Variants in MEOX2 observed in about 807,000 individuals in gnomAD.
MEOX2 encodes homeobox protein MOX-2.
In MEOX2, 11 loss-of-function variants were observed where a neutral mutation model predicts 27.0. The ratio of observed to expected loss-of-function variants is 0.41; its 90% confidence interval spans 0.26 to 0.68. The LOEUF (loss-of-function observed/expected upper bound fraction) is 0.68. Ranked by LOEUF, MEOX2 falls within the 30% of genes least tolerant of loss-of-function variation. The pLI is 0.33. For missense variants in MEOX2, 436 were observed against 385.4 expected (o/e 1.13, Z -1.10); for synonymous variants, 189 against 155.4 (o/e 1.22, Z -1.61).
intron 1 of MEOX2, among the ~76,000 whole-genome samples, chr7:15,635,543 G>C (rs1279847302): frequency 6.6e-6 from 1 of 151,994 alleles, no homozygotes; most frequent in Admixed American, 6.6e-5. Flanking sequence ...GTAGAACAAT[G>C]CCTACATATT....
At chr7:15,651,249 T>G (rs1270419000) in intron 1 of MEOX2, among the ~76,000 whole-genome samples, 1 of 152,022 alleles carries the variant, frequency 6.6e-6, no homozygotes, top group Non-Finnish European at 1.5e-5. Flanking sequence ...TATGAAAATA[T>G]CCACGCTCCT....
intron 1 of MEOX2, among the ~76,000 whole-genome samples, chr7:15,632,333 T>C (rs1393660242): frequency 1.3e-5 from 2 of 151,846 alleles, no homozygotes; most frequent in Non-Finnish European, 2.9e-5. Context: ...CAGTTTTACC[T>C]TACAGCCTGT....
chr7:15,620,729 A>G, intron 2 of MEOX2, among the ~76,000 whole-genome samples: 1 of 152,214 alleles, frequency 6.6e-6, no homozygotes. Context: ...AAAAAACAAA[A>G]CATAATCCCT....
intron 1 of MEOX2, among the ~76,000 whole-genome samples, chr7:15,646,334 C>T (rs1451881391): frequency 1.3e-5 from 2 of 151,936 alleles, no homozygotes; most frequent in Admixed American, 6.6e-5. Flanking sequence ...TGTGTTTTTT[C>T]CTTCCCAAAC....
chr7:15,674,345 G>T (rs564483362), intron 1 of MEOX2, among the ~76,000 whole-genome samples: 1 of 152,064 alleles, frequency 6.6e-6, no homozygotes, highest in Admixed American at 6.6e-5. Context: ...CTGGGGGAAA[G>T]AACTAAATTA....
chr7:15,642,579 A>G (rs779176794), intron 1 of MEOX2, among the ~76,000 whole-genome samples: 1 of 152,036 alleles, frequency 6.6e-6, no homozygotes, highest in Non-Finnish European at 1.5e-5. Context: ...CTTGCTTACA[A>G]TCCATATTTT....
chr7:15,617,357 A>T (rs1781139772), intron 2 of MEOX2, among the ~76,000 whole-genome samples: 2 of 152,020 alleles, frequency 1.3e-5, no homozygotes, highest in South Asian at 4.1e-4. Flanking sequence ...TACAAATAAA[A>T]TTTTCAGATT....
intron 2 of MEOX2, among the ~76,000 whole-genome samples, chr7:15,613,832 A>G (rs1312434187): frequency 2.0e-5 from 3 of 151,916 alleles, no homozygotes; most frequent in African/African-American, 7.2e-5. Flanking sequence ...TCTACCATCC[A>G]TGGATATTTG....
intron 2 of MEOX2, among the ~76,000 whole-genome samples, chr7:15,615,212 T>C (rs1476118562): frequency 1.3e-5 from 2 of 152,194 alleles, no homozygotes; most frequent in East Asian, 3.9e-4. Context: ...GTTTTCCAGA[T>C]ATTATTACCA....
chr7:15,640,513 T>A (rs949999450), intron 1 of MEOX2, among the ~76,000 whole-genome samples: 4 of 152,160 alleles, frequency 2.6e-5, no homozygotes, highest in Non-Finnish European at 4.4e-5. Flanking sequence ...TTTGAATGCC[T>A]TTTGTTTCTT....
chr7:15,669,360 A>G (rs34994232), intron 1 of MEOX2, among the ~76,000 whole-genome samples: 8 of 152,194 alleles, frequency 5.3e-5, no homozygotes, highest in Non-Finnish European at 8.8e-5. Flanking sequence ...TGTTTCTAAG[A>G]TATCCTGATT....
At chr7:15,676,452 T>A (rs531716536) in intron 1 of MEOX2, among the ~76,000 whole-genome samples, 49 of 152,280 alleles carry the variant, frequency 3.2e-4, no homozygotes, top group African/African-American at 1.2e-3. Context: ...AAAATGTCAT[T>A]CCCACCCTCC....
chr7:15,657,816 T>A (rs540341406), intron 1 of MEOX2, among the ~76,000 whole-genome samples: 1 of 152,344 alleles, frequency 6.6e-6, no homozygotes, highest in Admixed American at 6.5e-5. Context: ...TTTAGTATTA[T>A]GTATGGTACT....
At chr7:15,679,239 A>C (rs2115396441) in intron 1 of MEOX2, 1 of 152,214 alleles carries the variant, frequency 6.6e-6, no homozygotes. Flanking sequence ...ACATATATAA[A>C]GTAAACGCCT....
chr7:15,619,345 G>A (rs1781179049), intron 2 of MEOX2, among the ~76,000 whole-genome samples: 1 of 151,960 alleles, frequency 6.6e-6, no homozygotes, highest in South Asian at 2.1e-4. Flanking sequence ...CACTCTAAGT[G>A]ATGATGCTGT....
chr7:15,664,271 T>TC (rs1327340470), intron 1 of MEOX2, among the ~76,000 whole-genome samples: 10 of 152,230 alleles, frequency 6.6e-5, no homozygotes, highest in African/African-American at 2.4e-4. Flanking sequence ...GTCTGTTTCT[T>TC]CCCTTTGTGT....
chr7:15,637,575 A>C (rs1484251801), intron 1 of MEOX2, among the ~76,000 whole-genome samples: 1 of 151,928 alleles, frequency 6.6e-6, no homozygotes, highest in Non-Finnish European at 1.5e-5. Context: ...ACCATCTGCT[A>C]ATCTTGCAAT....
chr7:15,669,552 G>A (rs530585313), intron 1 of MEOX2, among the ~76,000 whole-genome samples: 106 of 152,260 alleles, frequency 7.0e-4, no homozygotes, highest in South Asian at 4.2e-3. Flanking sequence ...TATTAAAAAT[G>A]AATTCACTGG....
chr7:15,634,072 GA>G, intron 1 of MEOX2, among the ~76,000 whole-genome samples: 1 of 151,774 alleles, frequency 6.6e-6, no homozygotes. Context: ...TATTTATAAC[GA>G]TATCTCCAAA....
Sources: allele counts gnomAD v4.1 joint callset (sites outside exome capture counted in the v4.1 genomes callset), GRCh38; gene constraint gnomAD v4.1.1; transcripts MANE v1.5; gene names NCBI Gene and HGNC (gene_info 2026-07-23, HGNC 2026-07-21).